CLCN4: variants seen among roughly 807,000 people sequenced by gnomAD.
CLCN4 encodes the protein H(+)/Cl(-) exchange transporter 4.
Under a neutral mutation model 41.7 loss-of-function variants are expected in CLCN4, and 1 was observed. The ratio of observed to expected loss-of-function variants is 0.02; its 90% confidence interval spans 0.01 to 0.11. The LOEUF (loss-of-function observed/expected upper bound fraction) is 0.11, where lower values mean the gene tolerates loss of function less well. Ranked by LOEUF, CLCN4 falls within the 10% of genes least tolerant of loss-of-function variation. CLCN4 has a pLI of 1.00. For synonymous variants in CLCN4, 277 were observed against 285.8 expected (o/e 0.97, Z 0.31); for missense variants, 287 against 661.0 (o/e 0.43, Z 6.20).
chrX:10,158,624 C>G, intron 2 of CLCN4, 73 bp downstream of exon 2: 1 of 262,611 alleles, frequency 3.8e-6, no homozygotes, highest in Non-Finnish European at 6.8e-6. Flanking sequence ...TGGAGCCCGG[C>G]CCGCGGGCCT....
intron 2 of CLCN4, 60 bp downstream of exon 2, chrX:10,158,611 A>T: frequency 3.7e-6 from 1 of 272,065 alleles, no homozygotes; most frequent in Non-Finnish European, 6.5e-6. Context: ...CGGACGCTGC[A>T]GGTGGAGCCC....
rs772884455 is a variant in CLCN4, at chrX:10,211,743, A to G, written c.1390-724A>G. The stretch of plus-strand genomic sequence containing the variant: ...GGGAGTCAGGCTTGTTCTATAGTAC[A>G]TGTGTGGTCATTAGATAAACTAAAA... On this transcript the variant is annotated intron_variant, in intron 9 of 12. Transcript: ENST00000380833. 4.5e-5 allele frequency among the ~76,000 whole-genome samples: 5 copies of G among 112,084 alleles called. No individual in the cohort carries two copies. In the South Asian group the frequency reaches 1.8e-3, roughly 41 times the overall value.
At chrX:10,221,937 C>T (rs1408695054) in intron 12 of CLCN4, among the ~76,000 whole-genome samples, 1 of 112,130 alleles carries the variant, frequency 8.9e-6, no homozygotes, top group African/African-American at 3.2e-5. Flanking sequence ...TTTGTGTATG[C>T]CGATCCCACT....
intron 9 of CLCN4, among the ~76,000 whole-genome samples, chrX:10,210,891 G>A (rs1465645787): frequency 1.9e-5 from 2 of 105,327 alleles, no homozygotes; most frequent in East Asian, 3.0e-4. Context: ...CAAGTGATCC[G>A]CCTGCCTTGG....
In CLCN4 at chrX:10,208,176, G is replaced by T. The variant is rs73483205; in HGVS notation, c.975G>T (p.Thr325=). ...TTCTCTTTTATGTGGAATACCACACGCCCTGGTACATGGCTGAACTCTTCC... is the reference window on the plus strand; with the variant it reads ...TTCTCTTTTATGTGGAATACCACACTCCCTGGTACATGGCTGAACTCTTCC... The part of the protein sequence containing the change: ...RLVLFYVEYH[T]PWYMAELFPF... The change falls in exon 9 of 13, where the codon ACG becomes ACT. Residue 325 remains threonine (T), a synonymous_variant. Transcript: ENST00000380833. 1.2e-5 allele frequency: 15 copies of T among 1,211,193 alleles called. No individual in the cohort carries two copies. The South Asian group carries it at 2.6e-4, about 21-fold the overall frequency.
At position 10,206,901 on chromosome X, in the gene CLCN4, T is replaced by TTTTGG. The variant is rs1306184806; in HGVS notation, c.843+128_843+129insGGTTT. ...AGGAGCCACAATTTCCACTGTTTTT[T>TTTTGG]TTTTGTTTTGTTTTTGTTTTTGTTT... On this transcript the variant is annotated intron_variant, in intron 8 of 12. Coordinates refer to ENST00000380833, the MANE Select transcript of CLCN4 (RefSeq NM_001830.4). The TTTTGG allele has an allele frequency of 6.4e-6, 3 of 469,428 alleles. No individual in the cohort carries two copies. The African/African-American group carries it at 9.8e-5, about 15-fold the overall frequency. 38.7% of individuals were successfully genotyped at this position (469,428 alleles called of 1,213,427 possible).
rs1925271243 is a variant in CLCN4, at chrX:10,237,065, A to G, written c.*3481A>G. The G allele has an allele frequency of 8.9e-6, 1 of 112,463 alleles. No homozygotes were observed. Among genetic ancestry groups the G allele is most frequent in the Non-Finnish European group, 1.9e-5 (1 of 53,342 alleles). The allele number at this position is 112,463 out of a possible 1,213,427, so 9.3% of individuals were successfully genotyped here. The stretch of plus-strand genomic sequence containing the variant: ...TGCTTACTGTTACTTTGAACCAGGT[A>G]ATCTCAGTTCTTTATTCAGTCCTTC... On this transcript the variant is annotated 3_prime_UTR_variant, in exon 13 of 13. Transcript: ENST00000380833.
intron 2 of CLCN4, among the ~76,000 whole-genome samples, chrX:10,162,257 G>A (rs766269663): frequency 9.0e-6 from 1 of 111,163 alleles, no homozygotes; most frequent in East Asian, 2.8e-4. Context: ...GACCTCAGGT[G>A]ATCCGCCCAC....
chrX:10,167,197 C>A (rs1284689529), intron 2 of CLCN4, among the ~76,000 whole-genome samples: 3 of 112,317 alleles, frequency 2.7e-5, no homozygotes, highest in African/African-American at 6.5e-5. Flanking sequence ...TGGCCCTCCA[C>A]CCCTCACTGG....
Position 10,156,990 on chromosome X carries a change from C to T in CLCN4, c.-385C>T. ...CCTCCGGGCTGAAATCGACATTTGC[C>T]TCTGGCAGGAAAATGAGCTTGTCAG... On this transcript the variant is annotated 5_prime_UTR_variant, in exon 1 of 13. Coordinates refer to ENST00000380833, the MANE Select transcript of CLCN4 (RefSeq NM_001830.4). 1 of 298,010 alleles carries T rather than the reference C, an allele frequency of 3.4e-6. No individual in the cohort carries two copies. The allele number at this position is 298,010 out of a possible 1,213,427, so 24.6% of individuals were successfully genotyped here.
At chrX:10,210,650 CTTTTTTT>C (rs34763016) in intron 9 of CLCN4, among the ~76,000 whole-genome samples, 6 of 75,085 alleles carry the variant, frequency 8.0e-5, no homozygotes, top group Admixed American at 1.6e-4. Flanking sequence ...CCTGAATTGT[CTTTTTTT>C]TTTTTTTTTT....
At position 10,203,539 on chromosome X, in the gene CLCN4, T is replaced by C. The variant is rs918240065; in HGVS notation, c.556-2819T>C. 3.6e-5 allele frequency among the ~76,000 whole-genome samples: 4 copies of C among 111,850 alleles called. No individual in the cohort carries two copies. In the Admixed American group the frequency reaches 3.8e-4, roughly 11 times the overall value. ...CCTCCCCAAATCGCCCAAGGTGACA[T>C]GATGCTCAGTAGAAGGACCTGGTGA... On this transcript the variant is annotated intron_variant, in intron 6 of 12. Transcript: ENST00000380833.
chrX:10,182,640 G>A (rs1183974112), intron 2 of CLCN4, among the ~76,000 whole-genome samples: 1 of 112,413 alleles, frequency 8.9e-6, no homozygotes. Context: ...TGGCCAAGCT[G>A]GTCTTGAACT....
At chrX:10,225,385 A>G (rs778515482) in intron 12 of CLCN4, among the ~76,000 whole-genome samples, 54 of 112,456 alleles carry the variant, frequency 4.8e-4, no homozygotes, top group Middle Eastern at 4.6e-3. Flanking sequence ...TGTTGGCTAT[A>G]TAAATGTCTT....
intron 5 of CLCN4, among the ~76,000 whole-genome samples, chrX:10,197,491 ATTC>A (rs1924127469): frequency 9.0e-6 from 1 of 111,118 alleles, no homozygotes; most frequent in African/African-American, 3.3e-5. Flanking sequence ...CCCGACCCGT[ATTC>A]ATTGGCAGTG....
At position 10,233,662 on chromosome X, in the gene CLCN4, A is replaced by T. The variant is rs1925177350; in HGVS notation, c.*78A>T. 3.7e-6 allele frequency: 3 copies of T among 810,814 alleles called. No homozygotes were observed. The highest frequency in any genetic ancestry group is 2.0e-5 in the African/African-American group (1 of 49,580). 66.8% of individuals were successfully genotyped at this position (810,814 alleles called of 1,213,427 possible). A position where few individuals can be genotyped will look rare whatever the true frequency, so the allele number is the denominator to read the frequency against. On this transcript the variant is annotated 3_prime_UTR_variant, in exon 13 of 13. Coordinates refer to ENST00000380833, the MANE Select transcript of CLCN4 (RefSeq NM_001830.4). ...AAATAAATGATATGTTATTATCCCA[A>T]TGAAAGATCATGCATTGGGGACAGC...
In CLCN4 at chrX:10,204,613, C is replaced by CTTTTTT. The variant is rs61453535; in HGVS notation, c.556-1714_556-1709dup. On this transcript the variant is annotated intron_variant, in intron 6 of 12. Transcript: ENST00000380833. ...CTATTCTCACCAGAAAGCTAGTAGT[C>CTTTTTT]TTTTTTTTTTTTTTTTTTTTTTTTT... Among the ~76,000 whole-genome samples, 34 of 27,349 alleles carry CTTTTTT rather than the reference C, an allele frequency of 1.2e-3. 13 individuals carry two copies. In the East Asian group the frequency reaches 0.013, roughly 10 times the overall value. 23.7% of individuals were successfully genotyped at this position (27,349 alleles called of 115,157 possible).
At chrX:10,211,828 C>G (rs1160488505) in intron 9 of CLCN4, among the ~76,000 whole-genome samples, 1 of 112,243 alleles carries the variant, frequency 8.9e-6, no homozygotes, top group Non-Finnish European at 1.9e-5. Context: ...AGTTTACATT[C>G]TATTTCTTTG....
chrX:10,162,079 AG>A (rs1216180273), intron 2 of CLCN4, among the ~76,000 whole-genome samples: 2 of 95,756 alleles, frequency 2.1e-5, no homozygotes, highest in Admixed American at 1.2e-4. Context: ...GTGCAGTGGT[AG>A]CGATCTCAGC....
Sources: gnomAD v4.1 joint callset for allele counts (sites outside exome capture counted in the v4.1 genomes callset) on GRCh38, gnomAD v4.1.1 for gene constraint, MANE v1.5 for transcripts, NCBI Gene and HGNC (gene_info 2026-07-23, HGNC 2026-07-21) for gene names.